The following KCNK1 variants were observed in gnomAD, a reference collection of about 807,000 sequenced individuals.
The protein encoded by KCNK1 is potassium two pore domain channel subfamily K member 1, also known as potassium channel subfamily K member 1.
Under a neutral mutation model 22.2 loss-of-function variants are expected in KCNK1, and 10 were observed. That is an observed-to-expected ratio of 0.45 (90% confidence interval 0.28 to 0.76). KCNK1 has a LOEUF of 0.76. Among genes scored for constraint, KCNK1 ranks in the 30% least tolerant of loss-of-function variants. The pLI is 0.14. For missense variants in KCNK1, 378 were observed against 421.0 expected, an observed-to-expected ratio of 0.90 and a Z score of 0.89; for synonymous variants, 200 against 186.4, an observed-to-expected ratio of 1.07 and a Z score of -0.60.
chr1:233,644,666 A>G (rs1320521413), intron 1 of KCNK1, among the ~76,000 whole-genome samples: 4 of 146,978 alleles, frequency 2.7e-5, no homozygotes, highest in Admixed American at 2.0e-4. Flanking sequence ...TGCAGAAGGC[A>G]TCAAACCAGG....
chr1:233,614,617 T>TCCCACCCCACCC (rs1657450417), intron 1 of KCNK1, 91 bp downstream of exon 1: 2 of 818,038 alleles, frequency 2.4e-6, no homozygotes, highest in African/African-American at 9.0e-5. Flanking sequence ...CCTCTAACCC[T>TCCCACCCCACCC]CCCACCCCAC....
At chr1:233,624,286 G>A (rs956938961) in intron 1 of KCNK1, 9 of 152,678 alleles carry the variant, frequency 5.9e-5, no homozygotes, top group African/African-American at 1.9e-4. Context: ...TGCTCCCCAG[G>A]ATGCGCTGAG....
At chr1:233,648,765 C>T (rs963521288) in intron 1 of KCNK1, among the ~76,000 whole-genome samples, 4 of 152,098 alleles carry the variant, frequency 2.6e-5, no homozygotes, top group Non-Finnish European at 4.4e-5. Context: ...TGGGGTTTCA[C>T]CATGTTGGCC....
Position 233,647,085 on chromosome 1 carries a change from G to A in KCNK1, c.356-19510G>A, listed in dbSNP as rs557036430. Among the ~76,000 whole-genome samples, 3 of 152,306 alleles carry A rather than the reference G, an allele frequency of 2.0e-5. No homozygotes were observed. In the South Asian group the frequency reaches 6.2e-4, roughly 32 times the overall value. Reference sequence around the variant, plus strand: ...TTTTATTCAAAGTGACTTTATTGAAGCAGATGTTTAATCTTCTGGAATGTA... The same window carrying A: ...TTTTATTCAAAGTGACTTTATTGAAACAGATGTTTAATCTTCTGGAATGTA... On this transcript the variant is annotated intron_variant, in intron 1 of 2. Transcript: ENST00000366621.
At chr1:233,668,979 A>C (rs1658547494) in intron 2 of KCNK1, among the ~76,000 whole-genome samples, 1 of 152,208 alleles carries the variant, frequency 6.6e-6, no homozygotes, top group Admixed American at 6.5e-5. Flanking sequence ...GTGCAAAGTG[A>C]ATACGCCTTT....
intron 1 of KCNK1, among the ~76,000 whole-genome samples, chr1:233,663,842 G>C (rs1183950545): frequency 4.6e-5 from 7 of 151,406 alleles, no homozygotes; most frequent in Non-Finnish European, 1.0e-4. Context: ...TTTTTTTGCG[G>C]GGGGGTGGGG....
At chr1:233,615,975 C>A (rs1571886351) in intron 1 of KCNK1, among the ~76,000 whole-genome samples, 1 of 152,228 alleles carries the variant, frequency 6.6e-6, no homozygotes, top group East Asian at 1.9e-4. Flanking sequence ...CTAGACAAGA[C>A]AGACCTGTTA....
At position 233,614,474 on chromosome 1, in the gene KCNK1, C is replaced by T. The variant is rs904510172; in HGVS notation, c.303C>T (p.Asn101=). The change falls in exon 1 of 3, where the codon AAC becomes AAT. Residue 101 remains asparagine, a synonymous_variant. Transcript: ENST00000366621. ...TCAGCAACGCCTCGGGCAACTGGAA[C>T]TGGGACTTCACCTCCGCGCTCTTCT... ...SVLSNASGNW[N]WDFTSALFFA... The T allele has an allele frequency of 1.9e-6, 3 of 1,612,882 alleles. No homozygotes were observed. The African/African-American group carries it at 4.0e-5, about 22-fold the overall frequency.
At chr1:233,650,579 T>G (rs1658182471) in intron 1 of KCNK1, among the ~76,000 whole-genome samples, 1 of 152,186 alleles carries the variant, frequency 6.6e-6, no homozygotes, top group Admixed American at 6.5e-5. Flanking sequence ...TGGTACTTCC[T>G]ATGTGCAGCG....
intron 1 of KCNK1, among the ~76,000 whole-genome samples, chr1:233,653,951 C>T (rs2102903254): frequency 6.6e-6 from 1 of 152,070 alleles, no homozygotes; most frequent in Admixed American, 6.5e-5. Flanking sequence ...TGGGTAGAAA[C>T]TGGAAAGAGT....
At chr1:233,669,417 G>T (rs1468381778) in intron 2 of KCNK1, among the ~76,000 whole-genome samples, 2 of 152,144 alleles carry the variant, frequency 1.3e-5, no homozygotes, top group African/African-American at 4.8e-5. Flanking sequence ...ATTAGTTTAT[G>T]TTTTGAGCAT....
rs368756705 is a variant in KCNK1 at position 233,631,259 on chromosome 1, G to T, written c.355+16733G>T. 7 of 530,832 alleles carry T rather than the reference G, an allele frequency of 1.3e-5. No homozygotes were observed. The Admixed American group carries it at 1.4e-4, about 10-fold the overall frequency. 32.9% of individuals were successfully genotyped at this position (530,832 alleles called of 1,614,324 possible). A position where few individuals can be genotyped will look rare whatever the true frequency, so the allele number is the denominator to read the frequency against. ...TGTGTTTCCCTTTGCCACCAGGTGC[G>T]GGTTTCTGACAACATCAAGATATGA... On this transcript the variant is annotated intron_variant, in intron 1 of 2. Transcript: ENST00000366621.
At chr1:233,650,810 A>AC (rs1658188977) in intron 1 of KCNK1, among the ~76,000 whole-genome samples, 2 of 151,788 alleles carry the variant, frequency 1.3e-5, no homozygotes. Context: ...AAAAAAAAAA[A>AC]AAACTGTTGA....
Position 233,666,616 on chromosome 1 carries a change from T to C in KCNK1, c.377T>C (p.Leu126Ser). The change falls in exon 2 of 3, where the codon TTG becomes TCG. Residue 126 changes from leucine to serine, a missense_variant. By Grantham distance (145) the Leu-to-Ser change is moderately radical. Coordinates refer to ENST00000366621, the MANE Select transcript of KCNK1 (RefSeq NM_002245.4). Reference sequence around the variant, plus strand: ...GCAGGTTATGGCCACACCGTGCCCTTGTCAGATGGAGGTAAGGCCTTCTGC... The same window carrying C: ...GCAGGTTATGGCCACACCGTGCCCTCGTCAGATGGAGGTAAGGCCTTCTGC... ...STTGYGHTVPLSDGGKAFCII... is the reference protein window; with the variant it reads ...STTGYGHTVPSSDGGKAFCII... 6.2e-7 allele frequency: 1 copy of C among 1,611,096 alleles called. No individual in the cohort carries two copies. Among genetic ancestry groups the C allele is most frequent in the Non-Finnish European group, 8.5e-7 (1 of 1,178,098 alleles).
chr1:233,644,228 A>G (rs1558114510), intron 1 of KCNK1, among the ~76,000 whole-genome samples: 1 of 152,198 alleles, frequency 6.6e-6, no homozygotes, highest in Non-Finnish European at 1.5e-5. Context: ...ATTAATGAGG[A>G]AAGAGCCCTC....
chr1:233,637,297 G>A (rs1298666516), intron 1 of KCNK1: 1 of 152,058 alleles, frequency 6.6e-6, no homozygotes, highest in Non-Finnish European at 1.5e-5. Flanking sequence ...GGTGAATGGG[G>A]CTAAGACCCC....
intron 1 of KCNK1, among the ~76,000 whole-genome samples, chr1:233,650,200 G>T (rs1658175922): frequency 6.6e-6 from 1 of 152,128 alleles, no homozygotes; most frequent in African/African-American, 2.4e-5. Flanking sequence ...ATCATAGTGG[G>T]TCAGTTTGCA....
chr1:233,665,295 G>A (rs529329572), intron 1 of KCNK1, among the ~76,000 whole-genome samples: 2 of 152,268 alleles, frequency 1.3e-5, no homozygotes, highest in Non-Finnish European at 2.9e-5. Flanking sequence ...AGATAACCAC[G>A]TCCATGCACA....
rs145461789 is a variant in KCNK1 at position 233,629,357 on chromosome 1, T to C, written c.355+14831T>C. ...AGATAAACAGGCAGTATGGTAAGGT[T>C]AGGTAGAGTGGGCCGGGGAAGAGGG... is the stretch of plus-strand genomic sequence containing the variant. On this transcript the variant is annotated intron_variant, in intron 1 of 2. Transcript: ENST00000366621. Among the ~76,000 whole-genome samples, 759 of 152,026 alleles carry C rather than the reference T, an allele frequency of 5.0e-3. 5 individuals carry two copies. The highest frequency in any genetic ancestry group is 0.018 in the African/African-American group (733 of 41,456).
Sources: gnomAD v4.1 joint callset for allele counts (sites outside exome capture counted in the v4.1 genomes callset) on GRCh38, gnomAD v4.1.1 for gene constraint, MANE v1.5 for transcripts, NCBI Gene and HGNC (gene_info 2026-07-23, HGNC 2026-07-21) for gene names.